PAX2: variants seen among roughly 807,000 people sequenced by gnomAD.
PAX2 encodes paired box protein Pax-2.
PAX2 carries 9 observed loss-of-function variants against 41.7 expected under a neutral mutation model. The ratio of observed to expected loss-of-function variants is 0.22; its 90% CI spans 0.13 to 0.38. The LOEUF is 0.38. Ranked by LOEUF, PAX2 falls within the 10% of genes least tolerant of loss-of-function variation. The pLI is 1.00. For missense variants in PAX2, 418 were observed against 531.6 expected, an observed-to-expected ratio of 0.79 and a Z score of 2.10; for synonymous variants, 221 against 212.7, an observed-to-expected ratio of 1.04 and a Z score of -0.34.
At chr10:100,764,616 AC>A (rs759013209) in intron 3 of PAX2, among the ~76,000 whole-genome samples, 2 of 152,206 alleles carry the variant, frequency 1.3e-5, no homozygotes, top group East Asian at 3.9e-4. Context: ...CAGTAATCTG[AC>A]CATTGAGCAG....
chr10:100,807,183 A>G (rs943250306), intron 6 of PAX2, among the ~76,000 whole-genome samples: 5 of 152,112 alleles, frequency 3.3e-5, no homozygotes, highest in African/African-American at 4.8e-5. Context: ...GACACATAGC[A>G]TGGGGCACAG....
rs144231365 is a variant in PAX2 at position 100,776,195 on chromosome 10, C to T, written c.411-3303C>T. Among the ~76,000 whole-genome samples the T allele has an allele frequency of 5.1e-3, 776 of 152,300 alleles. 11 individuals carry two copies. The highest frequency in any genetic ancestry group is 0.018 in the African/African-American group (741 of 41,556). The stretch of plus-strand genomic sequence containing the variant: ...CACCTTCCATACTTTCCTCTCCTTT[C>T]GTTTTCCAAAAACTTCTGAGGCAAT... On this transcript the variant is annotated intron_variant, in intron 3 of 9. Coordinates refer to ENST00000355243, the MANE Select transcript of PAX2 (RefSeq NM_000278.5).
intron 1 of PAX2, among the ~76,000 whole-genome samples, chr10:100,736,486 T>C (rs1458941518): frequency 6.6e-6 from 1 of 151,852 alleles, no homozygotes; most frequent in African/African-American, 2.4e-5. Context: ...AGGGAGAGGG[T>C]TGGAACAGGT....
chr10:100,789,092 CA>C (rs1342587641), intron 5 of PAX2, among the ~76,000 whole-genome samples: 1 of 152,108 alleles, frequency 6.6e-6, no homozygotes, highest in Non-Finnish European at 1.5e-5. Flanking sequence ...GGCAGCTGAG[CA>C]GAGTTTTTGC....
rs1465005253 is a variant in PAX2, at chr10:100,806,525, C to T, written c.712C>T (p.Leu238=). 3.1e-6 allele frequency: 5 copies of T among 1,614,124 alleles called. No individual in the cohort carries two copies. The East Asian group carries it at 8.9e-5, about 29-fold the overall frequency. The change falls in exon 6 of 10, where the codon CTG becomes TTG. Residue 238 remains leucine, a synonymous_variant. Coordinates refer to ENST00000355243, the MANE Select transcript of PAX2 (RefSeq NM_000278.5). ...AGCTGACACCTTCACCCAGCAGCAG[C>T]TGGAAGCTTTGGATCGGGTCTTTGA... The part of the protein sequence containing the change: ...LRADTFTQQQ[L]EALDRVFERP...
intron 7 of PAX2, among the ~76,000 whole-genome samples, chr10:100,814,351 C>CAAAAAAAAAA (rs11458573): frequency 4.7e-4 from 25 of 53,688 alleles, no homozygotes; most frequent in Admixed American, 6.3e-4. Context: ...GACTCCATCT[C>CAAAAAAAAAA]AAAAAAAAAA....
At position 100,809,323 on chromosome 10, in the gene PAX2, G is replaced by T. The variant is rs1468728569; in HGVS notation, c.919+87G>T. On this transcript the variant is annotated intron_variant, in intron 7 of 9. Coordinates refer to ENST00000355243, the MANE Select transcript of PAX2 (RefSeq NM_000278.5). ...CATCTGAGGCCCAGTGTGAGGAGCA[G>T]GTCCCCCACCGTGATATTTACAGAG... 10 of 1,267,912 alleles carry T rather than the reference G, an allele frequency of 7.9e-6. No homozygotes were observed. In the African/African-American group the frequency reaches 1.5e-4, roughly 19 times the overall value. The allele number at this position is 1,267,912 out of a possible 1,614,324, so 78.5% of individuals were successfully genotyped here. A position where few individuals can be genotyped will look rare whatever the true frequency, so the allele number is the denominator to read the frequency against.
intron 7 of PAX2, among the ~76,000 whole-genome samples, chr10:100,812,584 A>G (rs895238286): frequency 1.8e-4 from 28 of 152,146 alleles, no homozygotes; most frequent in African/African-American, 6.3e-4. Flanking sequence ...TGCAGTGAGG[A>G]CTCGCTCCAA....
In PAX2 at chr10:100,827,887, TGCGCG is replaced by T. The variant is rs1477382309; in HGVS notation, c.*273_*277del. On this transcript the variant is annotated 3_prime_UTR_variant, in exon 10 of 10. Coordinates refer to ENST00000355243, the MANE Select transcript of PAX2 (RefSeq NM_000278.5). The surrounding 1 kb of genome is among the most constrained non-coding windows in gnomAD (Gnocchi z 8.5). ...GCCGCCCCTCCCCGCCTGCCTGGACTGCGCGGCGCCGTGAGGGGGATTCGGCCCAG... is the reference window on the plus strand; with the variant it reads ...GCCGCCCCTCCCCGCCTGCCTGGACTGCGCCGTGAGGGGGATTCGGCCCAG... 2 of 491,234 alleles carry T rather than the reference TGCGCG, an allele frequency of 4.1e-6. No individual in the cohort carries two copies. The highest frequency in any genetic ancestry group is 7.1e-6 in the Non-Finnish European group (2 of 279,988). 30.4% of individuals were successfully genotyped at this position (491,234 alleles called of 1,614,324 possible).
At position 100,791,966 on chromosome 10, in the gene PAX2, G is replaced by C. The variant is rs4917910; in HGVS notation, c.616+10601G>C. On this transcript the variant is annotated intron_variant, in intron 5 of 9. Transcript: ENST00000355243. This position sits in a 1 kb window ranked among gnomAD's most constrained non-coding sequence, Gnocchi z 4.5. Reference sequence around the variant, plus strand: ...TCTTGGGCAGTGGGTATGTGGTCCAGGCAGCAAAAGGGACCAGAATGCTAT... The same window carrying C: ...TCTTGGGCAGTGGGTATGTGGTCCACGCAGCAAAAGGGACCAGAATGCTAT... 0.058 allele frequency among the ~76,000 whole-genome samples: 8,764 copies of C among 152,248 alleles called. 297 individuals are homozygous for C. The highest frequency in any genetic ancestry group is 0.17 in the South Asian group (814 of 4,820).
At chr10:100,735,654 A>C (rs1844760861) in exon 1 of PAX2, 1 of 1,059,400 alleles carries the variant, frequency 9.4e-7, no homozygotes, top group Admixed American at 5.4e-5. Context: ...CGGGCCGCGG[A>C]GGAGCGGGAC....
At chr10:100,759,732 T>G (rs557196478) in intron 3 of PAX2, among the ~76,000 whole-genome samples, 1 of 152,086 alleles carries the variant, frequency 6.6e-6, no homozygotes, top group African/African-American at 2.4e-5. Flanking sequence ...CACAGTAGAA[T>G]CAAGAAATCA....
intron 3 of PAX2, among the ~76,000 whole-genome samples, chr10:100,776,236 C>A (rs1277857743): frequency 1.3e-5 from 2 of 152,202 alleles, no homozygotes; most frequent in African/African-American, 4.8e-5. Context: ...CCGTTTACTG[C>A]CCTGCCTCCT....
intron 3 of PAX2, among the ~76,000 whole-genome samples, chr10:100,769,337 G>A (rs1454937930): frequency 6.6e-6 from 1 of 152,154 alleles, no homozygotes; most frequent in African/African-American, 2.4e-5. Flanking sequence ...TTATGTCATT[G>A]TTATTATTGG....
upstream of PAX2, among the ~76,000 whole-genome samples, chr10:100,741,319 GAA>G (rs200643043): frequency 7.4e-6 from 1 of 134,738 alleles, no homozygotes; most frequent in Admixed American, 7.9e-5. Flanking sequence ...GGTCTTAGAT[GAA>G]AAAAAAAAGA....
rs1184081978 is a variant in PAX2 at position 100,827,110 on chromosome 10, T to C, written c.1108+15T>C. 1.9e-6 allele frequency: 3 copies of C among 1,602,604 alleles called. No individual in the cohort carries two copies. The highest frequency in any genetic ancestry group is 1.1e-5 in the South Asian group (1 of 90,846). On this transcript the variant is annotated intron_variant, in intron 9 of 9. Coordinates refer to ENST00000355243, the MANE Select transcript of PAX2 (RefSeq NM_000278.5). The surrounding 1 kb of genome is among the most constrained non-coding windows in gnomAD (Gnocchi z 8.5). ...CGCCTTACTAAGTGAGTACGCCACC[T>C]GGCTGGCCGGCGGCTCAGCGCGGCC...
chr10:100,817,811 A>T (rs1220741061), intron 7 of PAX2, among the ~76,000 whole-genome samples: 3 of 152,200 alleles, frequency 2.0e-5, no homozygotes, highest in Non-Finnish European at 4.4e-5. Context: ...GAAGCTTGGG[A>T]AATAAGAAAT....
chr10:100,789,443 T>C (rs141038289), intron 5 of PAX2, among the ~76,000 whole-genome samples: 31 of 152,274 alleles, frequency 2.0e-4, no homozygotes, highest in Admixed American at 3.9e-4. Flanking sequence ...GCTCTGTGGA[T>C]TATTGGTGGG....
intron 5 of PAX2, among the ~76,000 whole-genome samples, chr10:100,795,403 A>G (rs1352260038): frequency 2.0e-5 from 3 of 152,228 alleles, no homozygotes; most frequent in East Asian, 3.8e-4. Context: ...GCATGAAGTC[A>G]TATGATGAAC....
Sources: gnomAD v4.1 joint callset for allele counts (sites outside exome capture counted in the v4.1 genomes callset) on GRCh38, gnomAD v4.1.1 for gene constraint, Gnocchi (gnomAD v3.1) non-coding constraint, MANE v1.5 for transcripts, NCBI Gene and HGNC (gene_info 2026-07-23, HGNC 2026-07-21) for gene names.